The following COL24A1 variants were observed in gnomAD, a reference collection of about 807,000 sequenced individuals.
COL24A1 encodes the protein collagen type XXIV alpha 1 chain.
In COL24A1, 224 loss-of-function variants were observed where a neutral mutation model predicts 253.9. The observed-to-expected ratio is 0.88, with a 90% CI of 0.79 to 0.99. The LOEUF is 0.99. Ranked by LOEUF, COL24A1 falls within the 50% of genes least tolerant of loss-of-function variation. The probability of loss-of-function intolerance (pLI) is 0.00; values close to 1 mark genes in which losing one functional copy is unlikely to be tolerated. For missense variants in COL24A1, 2,131 were observed against 2,068.5 expected (o/e 1.03, Z -0.59); for synonymous variants, 685 against 673.7 (o/e 1.02, Z -0.26).
At chr1:86,005,360 C>T (rs477562) in intron 19 of COL24A1, among the ~76,000 whole-genome samples, 27,428 of 150,760 alleles carry the variant, frequency 0.18, 3,122 homozygotes, top group African/African-American at 0.32. Flanking sequence ...GATCAGTAAG[C>T]TCCATAAAGT....
intron 45 of COL24A1, among the ~76,000 whole-genome samples, chr1:85,818,805 G>T (rs543247572): frequency 2.6e-5 from 4 of 152,288 alleles, no homozygotes; most frequent in Admixed American, 2.0e-4. Context: ...AAGGAATCAT[G>T]TTGTCATTAC....
intron 43 of COL24A1, among the ~76,000 whole-genome samples, chr1:85,830,797 C>T (rs1034383829): frequency 3.3e-5 from 5 of 152,108 alleles, no homozygotes; most frequent in African/African-American, 1.2e-4. Flanking sequence ...ACAGTGCGTG[C>T]ACCCACTGAC....
At chr1:86,093,712 A>G (rs1703680087) in intron 5 of COL24A1, among the ~76,000 whole-genome samples, 1 of 152,150 alleles carries the variant, frequency 6.6e-6, no homozygotes, top group Non-Finnish European at 1.5e-5. Flanking sequence ...AACCTACAGA[A>G]TGGGAGAACA....
chr1:85,743,650 A>G (rs557095812), intron 57 of COL24A1, among the ~76,000 whole-genome samples: 2 of 152,280 alleles, frequency 1.3e-5, no homozygotes, highest in African/African-American at 4.8e-5. Context: ...CTAATTTTGT[A>G]TGTCTTACAA....
intron 19 of COL24A1, among the ~76,000 whole-genome samples, chr1:85,998,866 G>A (rs570979070): frequency 6.6e-6 from 1 of 152,248 alleles, no homozygotes; most frequent in East Asian, 1.9e-4. Flanking sequence ...TGGGAAGTGG[G>A]GCTCAGTGAA....
At chr1:85,925,076 C>T (rs1176635151) in intron 24 of COL24A1, among the ~76,000 whole-genome samples, 1 of 152,122 alleles carries the variant, frequency 6.6e-6, no homozygotes, top group Non-Finnish European at 1.5e-5. Flanking sequence ...TTCACAATTG[C>T]TTCAAAGAGA....
intron 43 of COL24A1, among the ~76,000 whole-genome samples, chr1:85,825,047 A>G (rs1239195990): frequency 6.6e-6 from 1 of 151,170 alleles, no homozygotes; most frequent in East Asian, 1.9e-4. Flanking sequence ...AGCATTAGGT[A>G]TATCCCCCAA....
chr1:85,831,024 G>A (rs1008531337), intron 43 of COL24A1, among the ~76,000 whole-genome samples: 1 of 152,110 alleles, frequency 6.6e-6, no homozygotes, highest in East Asian at 1.9e-4. Flanking sequence ...TACGGTTTAA[G>A]TTTCAACTTC....
chr1:86,001,983 A>G (rs1695462163), intron 19 of COL24A1, among the ~76,000 whole-genome samples: 1 of 152,246 alleles, frequency 6.6e-6, no homozygotes, highest in African/African-American at 2.4e-5. Context: ...CTTCTTGACT[A>G]TAAGCTCCTG....
intron 3 of COL24A1, among the ~76,000 whole-genome samples, chr1:86,117,549 A>G (rs1381667588): frequency 2.0e-5 from 3 of 152,224 alleles, no homozygotes; most frequent in African/African-American, 4.8e-5. Flanking sequence ...TACTGGGGGG[A>G]AAAAGAGGTA....
chr1:85,748,195 C>A (rs1015842846), intron 55 of COL24A1, among the ~76,000 whole-genome samples: 5 of 152,160 alleles, frequency 3.3e-5, no homozygotes, highest in Non-Finnish European at 7.3e-5. Flanking sequence ...AGGCTAACTT[C>A]ATTCATTTTC....
chr1:86,137,447 G>T (rs1650426549), intron 2 of COL24A1, among the ~76,000 whole-genome samples: 1 of 152,164 alleles, frequency 6.6e-6, no homozygotes. Context: ...TCATAGAAAA[G>T]TTAAATTATT....
intron 56 of COL24A1, 101 bp downstream of exon 56, chr1:85,745,340 C>T: frequency 1.6e-6 from 1 of 640,890 alleles, no homozygotes; most frequent in Non-Finnish European, 2.6e-6. Context: ...GTTTTAAATA[C>T]AATCTTTGAG....
intron 24 of COL24A1, among the ~76,000 whole-genome samples, chr1:85,942,446 T>C (rs907388578): frequency 1.3e-5 from 2 of 152,220 alleles, no homozygotes; most frequent in Non-Finnish European, 2.9e-5. Flanking sequence ...TTCCTTGGCT[T>C]TATACTGTGC....
intron 47 of COL24A1, among the ~76,000 whole-genome samples, chr1:85,803,533 A>G (rs1671658235): frequency 6.6e-6 from 1 of 151,626 alleles, no homozygotes; most frequent in Admixed American, 6.6e-5. Context: ...TGTATTTAGG[A>G]CTTCTGTAAT....
intron 19 of COL24A1, among the ~76,000 whole-genome samples, chr1:86,011,498 G>T (rs1200519419): frequency 4.6e-5 from 7 of 151,924 alleles, no homozygotes; most frequent in South Asian, 2.1e-4. Flanking sequence ...CTTATCTCAG[G>T]CTCCTTCATA....
At chr1:85,838,740 T>C (rs1676288872) in intron 42 of COL24A1, 102 bp from the exon 43 acceptor site, 4 of 1,003,350 alleles carry the variant, frequency 4.0e-6, no homozygotes, top group East Asian at 4.9e-5. Context: ...GTCAAAAATA[T>C]AAAACCAAAT....
At chr1:85,862,045 C>G (rs988978462) in intron 37 of COL24A1, among the ~76,000 whole-genome samples, 1 of 152,190 alleles carries the variant, frequency 6.6e-6, no homozygotes, top group Non-Finnish European at 1.5e-5. Flanking sequence ...GAGAAGCCTT[C>G]TCTCACTACC....
intron 45 of COL24A1, among the ~76,000 whole-genome samples, chr1:85,821,788 T>C (rs1341855006): frequency 1.3e-5 from 2 of 152,224 alleles, no homozygotes. Context: ...AGAGAGGCAG[T>C]TGACTAGTAA....
Sources: gnomAD v4.1 joint callset for allele counts (sites outside exome capture counted in the v4.1 genomes callset) on GRCh38, gnomAD v4.1.1 for gene constraint, MANE v1.5 for transcripts, NCBI Gene and HGNC (gene_info 2026-07-23, HGNC 2026-07-21) for gene names.